Variants in KIF13B observed in about 807,000 individuals in gnomAD.
The protein encoded by KIF13B is kinesin family member 13B.
KIF13B carries 127 observed loss-of-function variants against 222.0 expected under a neutral mutation model. The ratio of observed to expected loss-of-function variants is 0.57; its 90% CI spans 0.50 to 0.66. The LOEUF is 0.66. Among genes scored for constraint, KIF13B ranks in the 30% least tolerant of loss-of-function variants. The probability of loss-of-function intolerance (pLI) is 0.00; values close to 1 mark genes in which losing one functional copy is unlikely to be tolerated. For synonymous variants in KIF13B, 976 were observed against 919.0 expected, an observed-to-expected ratio of 1.06 and a Z score of -1.12; for missense variants, 2,173 against 2,379.0, an observed-to-expected ratio of 0.91 and a Z score of 1.80.
At chr8:29,088,882 T>G (rs886405056) in intron 37 of KIF13B, among the ~76,000 whole-genome samples, 2 of 152,270 alleles carry the variant, frequency 1.3e-5, no homozygotes, top group Non-Finnish European at 2.9e-5. Flanking sequence ...TCTATAATTC[T>G]AATTTATTTC....
At chr8:29,188,211 G>A (rs1813024932) in intron 5 of KIF13B, among the ~76,000 whole-genome samples, 1 of 152,030 alleles carries the variant, frequency 6.6e-6, no homozygotes, top group South Asian at 2.1e-4. Context: ...GGTTCTGAAA[G>A]CCTTAAAAAA....
intron 3 of KIF13B, among the ~76,000 whole-genome samples, chr8:29,193,858 C>T (rs552806242): frequency 2.0e-5 from 3 of 152,360 alleles, no homozygotes; most frequent in African/African-American, 7.2e-5. Context: ...CGCTCTGTCG[C>T]CCAGGCTGGA....
In KIF13B at chr8:29,176,167, G is replaced by A; in HGVS notation, c.846C>T (p.Thr282=). Reference sequence around the variant, plus strand: ...CAAGAGCTGAGATAACCAGACCGAGGGTTGTGAGGGACCTGCATGGTGCAA... The same window carrying A: ...CAAGAGCTGAGATAACCAGACCGAGAGTTGTGAGGGACCTGCATGGTGCAA... ...EGSNINKSLT[T]LGLVISALAD... Residue 282 remains threonine, a synonymous_variant, in exon 10 of 40, where the codon ACC becomes ACT. Transcript: ENST00000524189. 6.2e-7 allele frequency: 1 copy of A among 1,608,880 alleles called. No individual in the cohort carries two copies. Among genetic ancestry groups the A allele is most frequent in the Non-Finnish European group, 8.5e-7 (1 of 1,175,844 alleles).
chr8:29,109,871 C>A, intron 33 of KIF13B, 47 bp downstream of exon 33: 1 of 1,591,784 alleles, frequency 6.3e-7, no homozygotes, highest in South Asian at 1.1e-5. Flanking sequence ...CAGACTCAGC[C>A]TGCATCAGGG....
Position 29,113,452 on chromosome 8 carries a change from A to G in KIF13B, c.3930+11T>C. ...TTTATTTTTAGTAAATTTAAATTGT[A>G]TATCCTTCACCTCTGGAATATTGGA... On this transcript the variant is annotated intron_variant, in intron 32 of 39. Transcript: ENST00000524189. The G allele has an allele frequency of 6.7e-7, 1 of 1,500,550 alleles. No individual in the cohort carries two copies. The highest frequency in any genetic ancestry group is 2.4e-5 in the East Asian group (1 of 42,146). The allele number at this position is 1,500,550 out of a possible 1,614,324, so 93.0% of individuals were successfully genotyped here. A position where few individuals can be genotyped will look rare whatever the true frequency, so the allele number is the denominator to read the frequency against.
chr8:29,146,317 G>GT (rs1454025193), intron 18 of KIF13B, 61 bp downstream of exon 18: 2 of 1,548,296 alleles, frequency 1.3e-6, no homozygotes, highest in African/African-American at 2.7e-5. Flanking sequence ...ATAACACCAG[G>GT]AAATATCAGG....
intron 38 of KIF13B, among the ~76,000 whole-genome samples, chr8:29,074,816 T>C (rs1270912146): frequency 6.6e-6 from 1 of 152,238 alleles, no homozygotes; most frequent in Non-Finnish European, 1.5e-5. Flanking sequence ...CCTAAGAGAA[T>C]GAAAGCGCAG....
intron 18 of KIF13B, chr8:29,146,023 T>C: frequency 2.2e-6 from 1 of 451,072 alleles, no homozygotes; most frequent in Non-Finnish European, 3.9e-6. Flanking sequence ...ACCTAACTTG[T>C]GGAGAAGGGG....
chr8:29,092,159 T>C (rs961722270), intron 37 of KIF13B, among the ~76,000 whole-genome samples: 4 of 152,246 alleles, frequency 2.6e-5, no homozygotes, highest in African/African-American at 4.8e-5. Context: ...ACGCTGGAAA[T>C]TGCATTTCCA....
chr8:29,226,714 T>C (rs143654583), intron 2 of KIF13B, among the ~76,000 whole-genome samples: 1 of 152,234 alleles, frequency 6.6e-6, no homozygotes, highest in East Asian at 1.9e-4. Flanking sequence ...CTCTGACATG[T>C]GTTCTTCTCT....
Position 29,176,154 on chromosome 8 carries a change from T to A in KIF13B, c.859A>T (p.Ile287Phe). ...NKSLTTLGLV[I>F]SALADQSAGK... is the part of the protein sequence containing the mutation. The stretch of plus-strand genomic sequence containing the variant: ...GCACTCTGATCTGCAAGAGCTGAGA[T>A]AACCAGACCGAGGGTTGTGAGGGAC... The change falls in exon 10 of 40, where the codon ATC becomes TTC. Residue 287 changes from isoleucine to phenylalanine, a missense_variant. Physicochemically the swap from Ile to Phe is conservative, Grantham distance 21 (BLOSUM62 0). Coordinates refer to ENST00000524189, the MANE Select transcript of KIF13B (RefSeq NM_015254.4). The A allele has an allele frequency of 6.2e-7, 1 of 1,613,446 alleles. No homozygotes were observed. The highest frequency in any genetic ancestry group is 8.5e-7 in the Non-Finnish European group (1 of 1,179,462).
At chr8:29,114,726 G>A (rs1586797531) in intron 31 of KIF13B, among the ~76,000 whole-genome samples, 1 of 152,046 alleles carries the variant, frequency 6.6e-6, no homozygotes, top group East Asian at 1.9e-4. Context: ...TTTCAACCAG[G>A]AAAAAGAAAA....
chr8:29,142,035 T>A, intron 19 of KIF13B, 122 bp downstream of exon 19: 1 of 655,516 alleles, frequency 1.5e-6, no homozygotes, highest in African/African-American at 1.8e-5. Flanking sequence ...AAATAAACCT[T>A]ACTCCAGAAA....
At chr8:29,180,840 A>G (rs570698375) in intron 7 of KIF13B, among the ~76,000 whole-genome samples, 1 of 152,276 alleles carries the variant, frequency 6.6e-6, no homozygotes, top group Non-Finnish European at 1.5e-5. Context: ...TATAAGCTCT[A>G]AAACAGTTAA....
At chr8:29,132,045 A>C (rs1810367272) in intron 23 of KIF13B, among the ~76,000 whole-genome samples, 1 of 152,158 alleles carries the variant, frequency 6.6e-6, no homozygotes, top group African/African-American at 2.4e-5. Context: ...TCAGGAGTTC[A>C]AGACCAGCCT....
At chr8:29,174,394 A>C (rs1366523686) in intron 10 of KIF13B, among the ~76,000 whole-genome samples, 1 of 152,250 alleles carries the variant, frequency 6.6e-6, no homozygotes, top group Non-Finnish European at 1.5e-5. Context: ...GTCTTACAGA[A>C]GCAGAAGTTC....
intron 1 of KIF13B, among the ~76,000 whole-genome samples, chr8:29,262,131 C>A (rs1298971730): frequency 6.6e-6 from 1 of 152,166 alleles, no homozygotes; most frequent in Non-Finnish European, 1.5e-5. Context: ...CTCACCCAGT[C>A]ATGCTGCTTT....
At chr8:29,176,827 C>T (rs551399107) in intron 9 of KIF13B, among the ~76,000 whole-genome samples, 2 of 151,952 alleles carry the variant, frequency 1.3e-5, no homozygotes, top group East Asian at 3.9e-4. Flanking sequence ...CCCCATCAAG[C>T]ACCTCAACAA....
rs145757417 is a variant in KIF13B at position 29,170,634 on chromosome 8, T to A, written c.946-3049A>T. 4.1e-3 allele frequency among the ~76,000 whole-genome samples: 627 copies of A among 152,198 alleles called. 1 individual carries two copies. The highest frequency in any genetic ancestry group is 0.014 in the African/African-American group (595 of 41,522). On this transcript the variant is annotated intron_variant, in intron 10 of 39. Transcript: ENST00000524189. ...GAAGAGATGGGAGGGGAAAGCATGT[T>A]CCAAGTGGAACAAGAGTAAAGTCCT...
Sources: gnomAD v4.1 joint callset for allele counts (sites outside exome capture counted in the v4.1 genomes callset) on GRCh38, gnomAD v4.1.1 for gene constraint, MANE v1.5 for transcripts, NCBI Gene and HGNC (gene_info 2026-07-23, HGNC 2026-07-21) for gene names.